Variants in DCLRE1C observed in about 807,000 individuals in gnomAD.
DCLRE1C encodes DNA cross-link repair 1C.
DCLRE1C carries 47 observed loss-of-function variants against 61.4 expected under a neutral mutation model. The ratio of observed to expected loss-of-function variants is 0.77; its 90% CI spans 0.61 to 0.98. DCLRE1C has a LOEUF of 0.98. Among genes scored for constraint, DCLRE1C ranks in the 50% least tolerant of loss-of-function variants. The pLI is 0.00. For missense variants in DCLRE1C, 858 were observed against 816.0 expected, an observed-to-expected ratio of 1.05 and a Z score of -0.63; for synonymous variants, 337 against 287.6, an observed-to-expected ratio of 1.17 and a Z score of -1.74.
intron 3 of DCLRE1C, among the ~76,000 whole-genome samples, chr10:14,943,281 C>T (rs1184314654): frequency 5.3e-5 from 8 of 152,240 alleles, no homozygotes; most frequent in Admixed American, 5.2e-4. Flanking sequence ...GACAGGTTCT[C>T]GCAGTTTCTA....
At chr10:14,916,124 A>T (rs2130690054) in intron 13 of DCLRE1C, among the ~76,000 whole-genome samples, 1 of 152,334 alleles carries the variant, frequency 6.6e-6, no homozygotes, top group South Asian at 2.1e-4. Flanking sequence ...TATACTTATC[A>T]TTATACTTAA....
chr10:14,954,017 G>T lies in DCLRE1C; in HGVS notation c.-7C>A. 1 of 1,613,900 alleles carries T rather than the reference G, an allele frequency of 6.2e-7. No individual in the cohort carries two copies. The highest frequency in any genetic ancestry group is 8.5e-7 in the Non-Finnish European group (1 of 1,179,904). Reference sequence around the variant, plus strand: ...GCCCCTCGAAAGAACTCATAGCGCCGCCGATCCCAGAGTCCGGGACCCCAA... The same window carrying T: ...GCCCCTCGAAAGAACTCATAGCGCCTCCGATCCCAGAGTCCGGGACCCCAA... On this transcript the variant is annotated 5_prime_UTR_variant, in exon 1 of 14. Transcript: ENST00000378278.
intron 10 of DCLRE1C, among the ~76,000 whole-genome samples, chr10:14,927,401 AAGGG>A (rs552286467): frequency 1.4e-5 from 2 of 139,180 alleles, no homozygotes; most frequent in Non-Finnish European, 3.1e-5. Context: ...AAAAAAAAAG[AAGGG>A]AGGGAGGGAG....
At chr10:14,932,777 T>C in intron 9 of DCLRE1C, 77 bp downstream of exon 9, 1 of 1,541,222 alleles carries the variant, frequency 6.5e-7, no homozygotes, top group Non-Finnish European at 9.0e-7. Context: ...GCGAAGAGCC[T>C]ATAAATGGAA....
chr10:14,954,201 C>G (rs755399995), upstream of DCLRE1C: 82 of 890,218 alleles, frequency 9.2e-5, 1 homozygote, highest in East Asian at 1.0e-3. Flanking sequence ...TCTAGGCGCC[C>G]GCTGCTTGGG....
At chr10:14,918,765 G>GT (rs41300644) in intron 13 of DCLRE1C, among the ~76,000 whole-genome samples, 5 of 151,718 alleles carry the variant, frequency 3.3e-5, no homozygotes, top group African/African-American at 7.3e-5. Context: ...AACAAATGTG[G>GT]TTTTTTTTGG....
chr10:14,926,012 G>A (rs546755698), intron 11 of DCLRE1C, among the ~76,000 whole-genome samples: 18 of 152,238 alleles, frequency 1.2e-4, no homozygotes, highest in East Asian at 1.2e-3. Flanking sequence ...CTTTCACTCT[G>A]CACTTCTTGC....
exon 14 of DCLRE1C, chr10:14,897,529 T>G (rs751915446): frequency 6.0e-6 from 9 of 1,508,290 alleles, no homozygotes; most frequent in Non-Finnish European, 6.2e-6. Flanking sequence ...TATGTTTCAT[T>G]TGCCACGTAG....
chr10:14,926,830 G>A lies in DCLRE1C; in HGVS notation c.972+13C>T, dbSNP rs184413831. The A allele has an allele frequency of 1.1e-5, 18 of 1,607,906 alleles. No homozygotes were observed. The Admixed American group carries it at 2.5e-4, about 22-fold the overall frequency. The stretch of plus-strand genomic sequence containing the variant: ...TGAGCGATAAGGGTTATGAGTATAT[G>A]GGATCCTCTTACCTCACTGTAGGAG... On this transcript the variant is annotated intron_variant, in intron 11 of 13. Coordinates refer to ENST00000378278, the MANE Select transcript of DCLRE1C (RefSeq NM_001033855.3).
In DCLRE1C at chr10:14,907,784, A is replaced by T. The variant is rs546373973; in HGVS notation, c.*624T>A. The T allele has an allele frequency of 1.3e-5, 2 of 149,914 alleles. No homozygotes were observed. Among genetic ancestry groups the T allele is most frequent in the African/African-American group, 4.9e-5 (2 of 40,600 alleles). 9.3% of individuals were successfully genotyped at this position (149,914 alleles called of 1,614,324 possible). ...GTTGGTTTTTTCCGTGTCTCTTGTC[A>T]TTGATGCACTTAGACCATTTACATT... On this transcript the variant is annotated 3_prime_UTR_variant, in exon 14 of 14. Coordinates refer to ENST00000378278, the MANE Select transcript of DCLRE1C (RefSeq NM_001033855.3).
upstream of DCLRE1C, chr10:14,954,193 T>C (rs531171467): frequency 1.9e-5 from 18 of 963,020 alleles, no homozygotes; most frequent in South Asian, 2.6e-4. Context: ...GGTCGGGTTC[T>C]AGGCGCCCGC....
In DCLRE1C at chr10:14,898,220, T is replaced by C. The variant is rs1241978173; in HGVS notation, c.*944A>G. The C allele has an allele frequency of 1.5e-4, 21 of 142,504 alleles. No homozygotes were observed. The East Asian group carries it at 3.8e-3, about 25-fold the overall frequency. The allele number at this position is 142,504 out of a possible 1,614,324, so 8.8% of individuals were successfully genotyped here. ...ACTGTTTCTTTTTTTTTTTTTTTTT[T>C]TTTTTTTTTTGAGAAGTAGTACTGT... On this transcript the variant is annotated 3_prime_UTR_variant, in exon 14 of 14. Transcript: ENST00000378289.
chr10:14,911,748 A>G (rs1470255120), intron 13 of DCLRE1C, among the ~76,000 whole-genome samples: 1 of 152,244 alleles, frequency 6.6e-6, no homozygotes, highest in Non-Finnish European at 1.5e-5. Flanking sequence ...TTACAACTCA[A>G]TACAAAGGTC....
intron 10 of DCLRE1C, 141 bp from the exon 11 acceptor site, chr10:14,927,038 T>C (rs909811552): frequency 2.8e-6 from 2 of 713,314 alleles, no homozygotes; most frequent in Admixed American, 4.3e-5. Context: ...GAAATCACCC[T>C]AAATCAGGAA....
At chr10:14,924,612 G>C (rs1021887574) in intron 11 of DCLRE1C, among the ~76,000 whole-genome samples, 3 of 152,128 alleles carry the variant, frequency 2.0e-5, no homozygotes, top group African/African-American at 7.2e-5. Context: ...ACTTTGGGAG[G>C]CCGAGCCGGG....
chr10:14,942,887 G>A (rs988077971), intron 3 of DCLRE1C, among the ~76,000 whole-genome samples: 2 of 152,134 alleles, frequency 1.3e-5, no homozygotes, highest in Non-Finnish European at 2.9e-5. Context: ...GCCCTTGGGT[G>A]GCCGAGGCGG....
In DCLRE1C at chr10:14,934,689, C is replaced by T. The variant is rs546891508; in HGVS notation, c.537+14G>A. The T allele has an allele frequency of 2.9e-4, 474 of 1,613,474 alleles. 5 individuals are homozygous for T. The South Asian group carries it at 4.9e-3, about 17-fold the overall frequency. Reference sequence around the variant, plus strand: ...ACACCCAGATGATAACCCTGTTCCTCCAGGCAGACTTACCCGACTTGGAAT... The same window carrying T: ...ACACCCAGATGATAACCCTGTTCCTTCAGGCAGACTTACCCGACTTGGAAT... On this transcript the variant is annotated intron_variant, in intron 7 of 13. Coordinates refer to ENST00000378278, the MANE Select transcript of DCLRE1C (RefSeq NM_001033855.3).
intron 1 of DCLRE1C, among the ~76,000 whole-genome samples, chr10:14,952,911 C>A (rs1842663612): frequency 6.6e-6 from 1 of 152,200 alleles, no homozygotes; most frequent in African/African-American, 2.4e-5. Flanking sequence ...AACAACATAG[C>A]TGGCCTTCAC....
chr10:14,951,944 A>G (rs1313649355), intron 1 of DCLRE1C, among the ~76,000 whole-genome samples: 1 of 152,212 alleles, frequency 6.6e-6, no homozygotes, highest in Non-Finnish European at 1.5e-5. Context: ...ACAGAAGGCA[A>G]TGTGAGAAAC....
Sources: allele counts gnomAD v4.1 joint callset (sites outside exome capture counted in the v4.1 genomes callset), GRCh38; gene constraint gnomAD v4.1.1; transcripts MANE v1.5; gene names NCBI Gene and HGNC (gene_info 2026-07-23, HGNC 2026-07-21).